The following RNFT2 variants were observed in gnomAD, a reference collection of about 807,000 sequenced individuals.
RNFT2 encodes ring finger protein, transmembrane 2.
A neutral mutation model predicts 53.0 loss-of-function variants in RNFT2; 36 were observed. The ratio of observed to expected loss-of-function variants is 0.68; its 90% confidence interval spans 0.52 to 0.90. The LOEUF (loss-of-function observed/expected upper bound fraction) is 0.90. Among genes scored for constraint, RNFT2 ranks in the 40% least tolerant of loss-of-function variants. RNFT2 has a pLI of 0.00. For missense variants in RNFT2, 514 were observed against 585.6 expected, an observed-to-expected ratio of 0.88 and a Z score of 1.26; for synonymous variants, 260 against 253.2, an observed-to-expected ratio of 1.03 and a Z score of -0.26.
At chr12:116,758,933 C>T (rs907152201) in intron 5 of RNFT2, among the ~76,000 whole-genome samples, 2 of 152,130 alleles carry the variant, frequency 1.3e-5, no homozygotes, top group Non-Finnish European at 2.9e-5. Context: ...ACGTTTTCCT[C>T]GATTATTCCC....
intron 10 of RNFT2, among the ~76,000 whole-genome samples, chr12:116,836,485 G>T (rs1876977437): frequency 6.6e-6 from 1 of 152,162 alleles, no homozygotes; most frequent in Non-Finnish European, 1.5e-5. Context: ...CCTCTCTGAG[G>T]CTTGGTTTCC....
chr12:116,750,908 A>ATATATAATATATATATATATTT (rs869162316), intron 4 of RNFT2, among the ~76,000 whole-genome samples: 1 of 70,014 alleles, frequency 1.4e-5, no homozygotes, highest in African/African-American at 5.4e-5. Flanking sequence ...ATATATATAT[A>ATATATAATATATATATATATTT]TTTTTTTTTG....
chr12:116,754,631 G>A (rs146445594), intron 5 of RNFT2, among the ~76,000 whole-genome samples: 6 of 152,186 alleles, frequency 3.9e-5, no homozygotes, highest in East Asian at 1.9e-4. Flanking sequence ...CCTGTCCACC[G>A]CATTCACACT....
In RNFT2 at chr12:116,849,686, A is replaced by G; in HGVS notation, c.*238A>G. 1 of 1,253,606 alleles carries G rather than the reference A, an allele frequency of 8.0e-7. No homozygotes were observed. The highest frequency in any genetic ancestry group is 1.0e-6 in the Non-Finnish European group (1 of 997,218). The allele number at this position is 1,253,606 out of a possible 1,614,324, so 77.7% of individuals were successfully genotyped here. On this transcript the variant is annotated 3_prime_UTR_variant, in exon 11 of 11. Transcript: ENST00000257575. ...AAAAGGGGACGTCTTCCTAACTCAG[A>G]CTTGATGCCCTTCTAGATGCATCTT...
intron 3 of RNFT2, among the ~76,000 whole-genome samples, chr12:116,749,499 T>G (rs530308523): frequency 6.6e-6 from 1 of 152,150 alleles, no homozygotes; most frequent in East Asian, 1.9e-4. Flanking sequence ...AGGCTGGTTT[T>G]GAACAACTAG....
intron 3 of RNFT2, among the ~76,000 whole-genome samples, chr12:116,746,256 G>A (rs1871888824): frequency 6.6e-6 from 1 of 152,046 alleles, no homozygotes; most frequent in Non-Finnish European, 1.5e-5. Context: ...AAGAATCACT[G>A]AGGGGACTCT....
intron 10 of RNFT2, among the ~76,000 whole-genome samples, chr12:116,836,805 C>G (rs1876998385): frequency 6.6e-6 from 1 of 152,054 alleles, no homozygotes; most frequent in African/African-American, 2.4e-5. Context: ...TGGCACACAC[C>G]TCTAGTCCCA....
chr12:116,824,380 T>A (rs1225057980), intron 7 of RNFT2, among the ~76,000 whole-genome samples: 2 of 152,158 alleles, frequency 1.3e-5, no homozygotes, highest in African/African-American at 4.8e-5. Flanking sequence ...TTAGTTAGGA[T>A]TGGAATCAAA....
intron 7 of RNFT2, among the ~76,000 whole-genome samples, chr12:116,828,054 A>T (rs1275864001): frequency 3.3e-5 from 5 of 152,094 alleles, no homozygotes; most frequent in African/African-American, 1.2e-4. Context: ...GGGACGTTTC[A>T]TGGGGTAGCC....
At chr12:116,752,440 T>A (rs1049447709) in intron 4 of RNFT2, among the ~76,000 whole-genome samples, 1 of 152,166 alleles carries the variant, frequency 6.6e-6, no homozygotes, top group Non-Finnish European at 1.5e-5. Flanking sequence ...TGGCAGGTTT[T>A]TTTTGTTTTG....
intron 7 of RNFT2, among the ~76,000 whole-genome samples, chr12:116,790,916 G>C (rs1426359931): frequency 3.3e-5 from 5 of 152,138 alleles, no homozygotes; most frequent in African/African-American, 1.2e-4. Context: ...AACCCTGATC[G>C]CAGCACTGCA....
At chr12:116,756,284 C>A (rs114443504) in intron 5 of RNFT2, among the ~76,000 whole-genome samples, 1 of 151,748 alleles carries the variant, frequency 6.6e-6, no homozygotes, top group East Asian at 1.9e-4. Context: ...TTTTCAACTC[C>A]GTGGTTAGGT....
In RNFT2 at chr12:116,849,919, C is replaced by T. The variant is rs1877831504; in HGVS notation, c.*471C>T. On this transcript the variant is annotated 3_prime_UTR_variant, in exon 11 of 11. Transcript: ENST00000257575. ...AGTGCAGTGGCACAATCTCGGCTCG[C>T]TGCAACCTCCACCTCCTGGGTTCAA... The T allele has an allele frequency of 6.5e-6, 1 of 154,410 alleles. No individual in the cohort carries two copies. Among genetic ancestry groups the T allele is most frequent in the Non-Finnish European group, 1.2e-5 (1 of 84,284 alleles). 9.6% of individuals were successfully genotyped at this position (154,410 alleles called of 1,614,324 possible). A position where few individuals can be genotyped will look rare whatever the true frequency, so the allele number is the denominator to read the frequency against.
At chr12:116,758,506 T>C (rs886650571) in intron 5 of RNFT2, among the ~76,000 whole-genome samples, 2 of 152,220 alleles carry the variant, frequency 1.3e-5, no homozygotes, top group Non-Finnish European at 2.9e-5. Flanking sequence ...GATTTAGAGC[T>C]CCTTTTAGCA....
At chr12:116,774,716 G>A (rs999172650) in intron 6 of RNFT2, among the ~76,000 whole-genome samples, 3 of 146,338 alleles carry the variant, frequency 2.1e-5, no homozygotes, top group Admixed American at 6.8e-5. Context: ...GTTCTGAGGC[G>A]TCAACACAGA....
intron 10 of RNFT2, among the ~76,000 whole-genome samples, chr12:116,847,100 GA>G (rs1877658089): frequency 6.6e-6 from 1 of 151,740 alleles, no homozygotes; most frequent in Admixed American, 6.6e-5. Context: ...GTAGAGACGG[GA>G]TTTCACCATG....
At chr12:116,785,275 G>GTGTGTGTGTGT (rs1555261550) in intron 7 of RNFT2, among the ~76,000 whole-genome samples, 4 of 138,114 alleles carry the variant, frequency 2.9e-5, no homozygotes, top group East Asian at 2.2e-4. Context: ...GTGTGTGTGT[G>GTGTGTGTGTGT]GCGGGGGGGG....
chr12:116,738,490 G>C (rs1309168018), intron 1 of RNFT2, 120 bp downstream of exon 1: 1 of 152,214 alleles, frequency 6.6e-6, no homozygotes, highest in Non-Finnish European at 1.5e-5. Context: ...AAGCGCTCGC[G>C]ACGTTGTTCC....
rs1566066807 is a variant in RNFT2, at chr12:116,743,247, G to GAAAAAAAAAAAAAA, written c.83+2153_83+2154insAAAAAAAAAAAAAA. On this transcript the variant is annotated intron_variant, in intron 3 of 10. Coordinates refer to ENST00000257575, the MANE Select transcript of RNFT2 (RefSeq NM_001382266.1). ...AAAAAAAAAAAAAAAAAAAAAAACC[G>GAAAAAAAAAAAAAA]GTTAAAAAACACTCATGAGCTAGAA... Among the ~76,000 whole-genome samples, 5 of 61,580 alleles carry GAAAAAAAAAAAAAA rather than the reference G, an allele frequency of 8.1e-5. 1 individual carries two copies. The highest frequency in any genetic ancestry group is 1.1e-4 in the African/African-American group (2 of 18,598). The allele number at this position is 61,580 out of a possible 152,430, so 40.4% of individuals were successfully genotyped here.
Sources: allele counts gnomAD v4.1 joint callset (sites outside exome capture counted in the v4.1 genomes callset), GRCh38; gene constraint gnomAD v4.1.1; transcripts MANE v1.5; gene names NCBI Gene and HGNC (gene_info 2026-07-23, HGNC 2026-07-21).